Variants in DAB1 observed in about 807,000 individuals in gnomAD.
DAB1 encodes disabled homolog 1.
DAB1 carries 15 observed loss-of-function variants against 64.6 expected under a neutral mutation model. That is an observed-to-expected ratio of 0.23 (90% CI 0.16 to 0.36). DAB1 has a LOEUF of 0.36. Among genes scored for constraint, DAB1 ranks in the 10% least tolerant of loss-of-function variants. The pLI, the probability that DAB1 is intolerant of heterozygous loss-of-function variation, is 1.00. For missense variants in DAB1, 596 were observed against 706.7 expected (o/e 0.84, Z 1.78); for synonymous variants, 235 against 251.9 (o/e 0.93, Z 0.64).
intron 3 of DAB1, among the ~76,000 whole-genome samples, chr1:58,465,282 C>G (rs1645283520): frequency 6.6e-6 from 1 of 152,192 alleles, no homozygotes; most frequent in Non-Finnish European, 1.5e-5. Context: ...CAGTCCCCCT[C>G]TCCTCTCAGG....
At chr1:57,428,578 G>A (rs1239367769), upstream of DAB1, among the ~76,000 whole-genome samples, 1 of 152,016 alleles carries the variant, frequency 6.6e-6, no homozygotes, top group African/African-American at 2.4e-5. Flanking sequence ...CAGTCATTAG[G>A]GCGGTTCCGT....
At chr1:57,762,298 T>C (rs1256228317) in intron 6 of DAB1, among the ~76,000 whole-genome samples, 1 of 152,086 alleles carries the variant, frequency 6.6e-6, no homozygotes, top group African/African-American at 2.4e-5. Context: ...AGCTTGTGTG[T>C]GTGTGTATAC....
At chr1:57,284,584 A>T (rs887192857) in intron 2 of DAB1, among the ~76,000 whole-genome samples, 1 of 152,322 alleles carries the variant, frequency 6.6e-6, no homozygotes, top group African/African-American at 2.4e-5. Context: ...CCAAATACCC[A>T]GTATCTTGAT....
intron 6 of DAB1, among the ~76,000 whole-genome samples, chr1:57,666,922 GA>G (rs1646455653): frequency 2.0e-5 from 3 of 151,888 alleles, no homozygotes; most frequent in Admixed American, 1.3e-4. Context: ...GGGAGAGGGA[GA>G]GGGCTTATGC....
intron 7 of DAB1, among the ~76,000 whole-genome samples, chr1:57,462,017 G>A (rs867013386): frequency 3.0e-5 from 4 of 132,474 alleles, no homozygotes; most frequent in Non-Finnish European, 1.5e-5. Context: ...GCAATGGCAC[G>A]ATCTTGGCTC....
At chr1:57,847,079 T>C (rs1174793788) in intron 1 of DAB1, among the ~76,000 whole-genome samples, 2 of 152,210 alleles carry the variant, frequency 1.3e-5, no homozygotes, top group Non-Finnish European at 2.9e-5. Context: ...TTGGGCTTTA[T>C]ACAGCTGTGA....
intron 7 of DAB1, among the ~76,000 whole-genome samples, chr1:57,480,000 A>G (rs1643993872): frequency 6.6e-6 from 1 of 151,648 alleles, no homozygotes; most frequent in South Asian, 2.1e-4. Context: ...AAAAATACAA[A>G]AATTAGCCGG....
At chr1:57,443,610 G>A (rs1686031517) in intron 7 of DAB1, among the ~76,000 whole-genome samples, 1 of 152,146 alleles carries the variant, frequency 6.6e-6, no homozygotes, top group Non-Finnish European at 1.5e-5. Context: ...GTATCACTTA[G>A]TTATTATTAA....
chr1:57,461,766 C>A (rs183173852), intron 7 of DAB1, among the ~76,000 whole-genome samples: 18 of 152,066 alleles, frequency 1.2e-4, no homozygotes, highest in Admixed American at 1.3e-4. Flanking sequence ...TCTCTTCTGT[C>A]GTAATTATCT....
intron 1 of DAB1, among the ~76,000 whole-genome samples, chr1:57,402,361 T>C (rs1332394912): frequency 6.6e-6 from 1 of 152,212 alleles, no homozygotes; most frequent in African/African-American, 2.4e-5. Context: ...AATAAAACAT[T>C]TTCTACATGG....
chr1:57,481,883 TA>T (rs1381350834), intron 7 of DAB1, among the ~76,000 whole-genome samples: 1 of 152,022 alleles, frequency 6.6e-6, no homozygotes, highest in Non-Finnish European at 1.5e-5. Flanking sequence ...GTTGAGTGAA[TA>T]AAATAATCTA....
At chr1:57,912,391 A>T (rs1362780509) in intron 5 of DAB1, among the ~76,000 whole-genome samples, 2 of 152,192 alleles carry the variant, frequency 1.3e-5, no homozygotes, top group African/African-American at 4.8e-5. Flanking sequence ...ATGTCTGTTG[A>T]GCCCTTCATG....
intron 4 of DAB1, among the ~76,000 whole-genome samples, chr1:58,153,699 T>C (rs1162271230): frequency 2.0e-5 from 3 of 151,884 alleles, no homozygotes; most frequent in Non-Finnish European, 4.4e-5. Flanking sequence ...CCATTGTCTA[T>C]AGGATGGAGT....
At chr1:57,034,824 C>T (rs1056977365) in intron 9 of DAB1, among the ~76,000 whole-genome samples, 2 of 152,172 alleles carry the variant, frequency 1.3e-5, no homozygotes, top group South Asian at 4.1e-4. Context: ...AACTATCACC[C>T]ATAGCCTCGT....
chr1:57,545,008 T>C (rs1427629220), intron 7 of DAB1, among the ~76,000 whole-genome samples: 2 of 152,174 alleles, frequency 1.3e-5, no homozygotes, highest in East Asian at 3.9e-4. Flanking sequence ...CCCAAGGTAC[T>C]CTCTTAGAAT....
chr1:57,987,643 G>T (rs756706677), intron 5 of DAB1, among the ~76,000 whole-genome samples: 1 of 152,154 alleles, frequency 6.6e-6, no homozygotes, highest in Admixed American at 6.5e-5. Context: ...GAATGCTAAA[G>T]GTGCTCAGCT....
intron 7 of DAB1, among the ~76,000 whole-genome samples, chr1:57,472,859 A>G (rs981375394): frequency 6.6e-6 from 1 of 152,114 alleles, no homozygotes; most frequent in Non-Finnish European, 1.5e-5. Flanking sequence ...GCATGTCCAT[A>G]CCTTTATATT....
At chr1:57,725,668 A>C (rs1343513446) in intron 6 of DAB1, among the ~76,000 whole-genome samples, 2 of 152,190 alleles carry the variant, frequency 1.3e-5, no homozygotes, top group African/African-American at 4.8e-5. Flanking sequence ...TGGTAAATAC[A>C]CTTTAAATAA....
intron 3 of DAB1, among the ~76,000 whole-genome samples, chr1:58,399,015 C>T (rs1644548177): frequency 6.6e-6 from 1 of 152,102 alleles, no homozygotes; most frequent in African/African-American, 2.4e-5. Context: ...AAAGGAAGAC[C>T]ACCACGGATT....
Sources: allele counts gnomAD v4.1 joint callset (sites outside exome capture counted in the v4.1 genomes callset), GRCh38; gene constraint gnomAD v4.1.1; transcripts MANE v1.5; gene names NCBI Gene and HGNC (gene_info 2026-07-23, HGNC 2026-07-21).